Variants in IQCM observed in about 807,000 individuals in gnomAD.
IQCM encodes IQ domain-containing protein M.
A neutral mutation model predicts 57.6 loss-of-function variants in IQCM; 45 were observed. The observed-to-expected ratio is 0.78, with a 90% CI of 0.62 to 1.00. IQCM has a LOEUF of 1.00. Among genes scored for constraint, IQCM ranks in the 50% least tolerant of loss-of-function variants. The pLI is 0.00. For synonymous variants in IQCM, 148 were observed against 158.9 expected (o/e 0.93, Z 0.51); for missense variants, 468 against 511.6 (o/e 0.91, Z 0.82).
chr4:149,521,545 C>G (rs1745647309), intron 12 of IQCM, among the ~76,000 whole-genome samples: 2 of 152,124 alleles, frequency 1.3e-5, no homozygotes, highest in African/African-American at 2.4e-5. Flanking sequence ...TGTTTTATGT[C>G]AAAATGTAAT....
intron 12 of IQCM, among the ~76,000 whole-genome samples, chr4:149,501,480 T>G (rs1028648240): frequency 2.6e-5 from 4 of 151,638 alleles, no homozygotes; most frequent in Admixed American, 6.6e-5. Context: ...TAACAGAAAA[T>G]TCCTAGTAAC....
rs74615232 is a variant in IQCM at position 149,735,126 on chromosome 4, A to T, written c.120+250T>A. The stretch of plus-strand genomic sequence containing the variant: ...TTTATGTTAAAATTCTTCAAAAAAA[A>T]TTTAAATTGTATTAAATGTACAAAT... On this transcript the variant is annotated intron_variant, in intron 4 of 13. Coordinates refer to ENST00000636793, the MANE Select transcript of IQCM (RefSeq NM_001363507.2). Among the ~76,000 whole-genome samples, 1,368 of 152,320 alleles carry T rather than the reference A, an allele frequency of 9.0e-3. 10 individuals carry two copies. Among genetic ancestry groups the T allele is most frequent in the African/African-American group, 0.03 (1,267 of 41,584 alleles).
At chr4:149,814,913 G>C (rs1272113994) in intron 2 of IQCM, among the ~76,000 whole-genome samples, 1 of 151,912 alleles carries the variant, frequency 6.6e-6, no homozygotes, top group African/African-American at 2.4e-5. Context: ...GATTAAATAT[G>C]TCTGTGTTCA....
chr4:149,358,463 T>C (rs35580642), intron 13 of IQCM, among the ~76,000 whole-genome samples: 15,245 of 152,184 alleles, frequency 0.1, 1,277 homozygotes, highest in African/African-American at 0.23. Flanking sequence ...TCTTGTTGGT[T>C]TCAAAGAACA....
chr4:149,756,260 A>G (rs1044687384), intron 2 of IQCM, among the ~76,000 whole-genome samples: 3 of 152,234 alleles, frequency 2.0e-5, no homozygotes, highest in African/African-American at 7.2e-5. Flanking sequence ...AATAATGAAT[A>G]AAAAACTTAA....
At chr4:149,386,634 G>A (rs1000728873) in intron 13 of IQCM, among the ~76,000 whole-genome samples, 2 of 151,932 alleles carry the variant, frequency 1.3e-5, no homozygotes, top group South Asian at 2.1e-4. Context: ...TATACACATG[G>A]GTTGTTAGAA....
At chr4:149,745,655 G>C (rs904245677) in intron 2 of IQCM, among the ~76,000 whole-genome samples, 2 of 152,134 alleles carry the variant, frequency 1.3e-5, no homozygotes, top group African/African-American at 4.8e-5. Flanking sequence ...TTCTTAGCTT[G>C]ACATTCCTAA....
At chr4:149,662,337 A>C (rs1760297405) in intron 7 of IQCM, among the ~76,000 whole-genome samples, 1 of 152,018 alleles carries the variant, frequency 6.6e-6, no homozygotes, top group South Asian at 2.1e-4. Context: ...AAATTTGTTG[A>C]AACTTGTTTT....
At chr4:149,528,397 TTAA>T (rs768440659) in intron 12 of IQCM, among the ~76,000 whole-genome samples, 32,561 of 152,014 alleles carry the variant, frequency 0.21, 4,344 homozygotes, top group Non-Finnish European at 0.29. Flanking sequence ...ATTCTTTGAG[TTAA>T]GGCATTAAAA....
intron 2 of IQCM, among the ~76,000 whole-genome samples, chr4:149,747,859 G>T (rs907234389): frequency 1.3e-5 from 2 of 152,140 alleles, no homozygotes; most frequent in South Asian, 2.1e-4. Context: ...GAACCAGGAA[G>T]TGGGAAGGAA....
At chr4:149,813,302 G>C (rs1035293125) in intron 2 of IQCM, among the ~76,000 whole-genome samples, 9 of 152,018 alleles carry the variant, frequency 5.9e-5, no homozygotes, top group Non-Finnish European at 1.0e-4. Flanking sequence ...GGGTGTTCTA[G>C]GGTAATATAA....
At chr4:149,391,940 T>C (rs1001611504) in intron 13 of IQCM, among the ~76,000 whole-genome samples, 1 of 151,952 alleles carries the variant, frequency 6.6e-6, no homozygotes, top group Non-Finnish European at 1.5e-5. Context: ...GAGAAGTATG[T>C]GTATTCTGCT....
rs1357984990 is a variant in IQCM at position 149,416,019 on chromosome 4, T to C, written c.1390+17377A>G. Among the ~76,000 whole-genome samples the C allele has an allele frequency of 3.9e-5, 6 of 152,114 alleles. No individual in the cohort carries two copies. In the East Asian group the frequency reaches 1.2e-3, roughly 29 times the overall value. ...GCATATATGTAACAAACCTGCACAT[T>C]GTGCGCATGTACCCTAGAACTTAAA... On this transcript the variant is annotated intron_variant, in intron 13 of 13. Transcript: ENST00000636793.
intron 13 of IQCM, among the ~76,000 whole-genome samples, chr4:149,417,564 A>C (rs949676925): frequency 2.0e-5 from 3 of 152,142 alleles, no homozygotes; most frequent in Non-Finnish European, 2.9e-5. Context: ...ATGTGACTAA[A>C]TTAGAAACAT....
intron 8 of IQCM, among the ~76,000 whole-genome samples, chr4:149,602,051 A>AG (rs1308829515): frequency 1.3e-5 from 2 of 151,596 alleles, no homozygotes; most frequent in South Asian, 4.2e-4. Flanking sequence ...AAAAAAAAAA[A>AG]AAAAGAAAAA....
chr4:149,428,478 A>C (rs980326406), intron 13 of IQCM, among the ~76,000 whole-genome samples: 1 of 151,872 alleles, frequency 6.6e-6, no homozygotes, highest in Non-Finnish European at 1.5e-5. Context: ...AGAATACATT[A>C]AATAGCCCAT....
At chr4:149,544,032 A>G (rs1201417574) in intron 12 of IQCM, among the ~76,000 whole-genome samples, 4 of 151,702 alleles carry the variant, frequency 2.6e-5, no homozygotes, top group Admixed American at 2.0e-4. Flanking sequence ...AACTCCAAAC[A>G]TACAATGAAG....
chr4:149,589,013 A>C (rs1752887139), intron 8 of IQCM, among the ~76,000 whole-genome samples: 1 of 151,974 alleles, frequency 6.6e-6, no homozygotes. Context: ...GATAAGAAGA[A>C]TAACTGAGGA....
chr4:149,637,144 C>T (rs1195014728), intron 7 of IQCM, among the ~76,000 whole-genome samples: 1 of 126,006 alleles, frequency 7.9e-6, no homozygotes, highest in Non-Finnish European at 1.6e-5. Flanking sequence ...AGCGAGACTC[C>T]GTCTCAAAAA....
Sources: allele counts gnomAD v4.1 joint callset (sites outside exome capture counted in the v4.1 genomes callset), GRCh38; gene constraint gnomAD v4.1.1; transcripts MANE v1.5; gene names NCBI Gene and HGNC (gene_info 2026-07-23, HGNC 2026-07-21).